Variants in GGA2 observed in about 807,000 individuals in gnomAD.
GGA2 encodes the protein ADP-ribosylation factor-binding protein GGA2.
GGA2 carries 48 observed loss-of-function variants against 79.5 expected under a neutral mutation model. That is an observed-to-expected ratio of 0.60 (90% CI 0.48 to 0.77). The LOEUF is 0.77. Ranked by LOEUF, GGA2 falls within the 30% of genes least tolerant of loss-of-function variation. The pLI, the probability that GGA2 is intolerant of heterozygous loss-of-function variation, is 0.00. For synonymous variants in GGA2, 317 were observed against 302.0 expected, an observed-to-expected ratio of 1.05 and a Z score of -0.51; for missense variants, 770 against 774.0, an observed-to-expected ratio of 0.99 and a Z score of 0.06.
In GGA2 at chr16:23,486,168, G is replaced by A. The variant is rs773628395; in HGVS notation, c.661-16C>T. On this transcript the variant is annotated splice_polypyrimidine_tract_variant and intron_variant, in intron 7 of 16. Transcript: ENST00000309859. ...TTTCTTGTTCCTTTTGGGAAAAAGA[G>A]GAGGATGGGAGTGAGGGAGCAGAAA... 6.2e-7 allele frequency: 1 copy of A among 1,612,772 alleles called. No individual in the cohort carries two copies. The highest frequency in any genetic ancestry group is 8.5e-7 in the Non-Finnish European group (1 of 1,178,938).
intron 2 of GGA2, among the ~76,000 whole-genome samples, chr16:23,516,277 GC>G (rs1432912770): frequency 6.6e-6 from 1 of 152,082 alleles, no homozygotes; most frequent in Non-Finnish European, 1.5e-5. Context: ...TTCCCAAAGT[GC>G]TGGGATTACA....
At chr16:23,503,675 T>G (rs1327722720) in intron 1 of GGA2, among the ~76,000 whole-genome samples, 7 of 152,236 alleles carry the variant, frequency 4.6e-5, no homozygotes, top group Admixed American at 3.9e-4. Context: ...AAATACTTCG[T>G]GCCCTGCACT....
At chr16:23,492,326 C>T (rs754515984) in intron 4 of GGA2, among the ~76,000 whole-genome samples, 5 of 152,170 alleles carry the variant, frequency 3.3e-5, no homozygotes, top group Admixed American at 6.5e-5. Flanking sequence ...CCGGTGCCCC[C>T]ACATCCCCCC....
At chr16:23,487,075 G>A (rs1342431312) in intron 6 of GGA2, among the ~76,000 whole-genome samples, 3 of 146,698 alleles carry the variant, frequency 2.0e-5, no homozygotes, top group South Asian at 2.2e-4. Flanking sequence ...TCTGCCTCCC[G>A]GGTTCAAGCA....
chr16:23,493,652 A>G (rs1367429617), intron 3 of GGA2, 194 bp from the exon 4 acceptor site: 6 of 573,674 alleles, frequency 1.0e-5, no homozygotes, highest in South Asian at 2.0e-5. Flanking sequence ...CAATCTTGCT[A>G]TAACTGCCTG....
chr16:23,481,598 C>T (rs1392064814), intron 9 of GGA2, among the ~76,000 whole-genome samples: 3 of 151,470 alleles, frequency 2.0e-5, no homozygotes, highest in African/African-American at 7.3e-5. Context: ...CATGGCAAAA[C>T]TCCATCTCTA....
intron 2 of GGA2, chr16:23,519,563 T>A (rs1363760691): frequency 2.5e-6 from 1 of 401,364 alleles, no homozygotes; most frequent in African/African-American, 2.1e-5. Flanking sequence ...TAATTGGTGA[T>A]GTAGGAGAAG....
At chr16:23,484,659 T>C (rs918972801) in intron 8 of GGA2, among the ~76,000 whole-genome samples, 7 of 152,182 alleles carry the variant, frequency 4.6e-5, no homozygotes, top group Non-Finnish European at 1.0e-4. Flanking sequence ...AAACAGAAAG[T>C]TGCAATGAGA....
chr16:23,490,149 TGA>T (rs1207855149), intron 5 of GGA2, among the ~76,000 whole-genome samples: 6 of 152,168 alleles, frequency 3.9e-5, no homozygotes, highest in African/African-American at 1.4e-4. Context: ...GACCTACAGC[TGA>T]GAGAACAGAT....
At chr16:23,477,066 C>T (rs967382058) in intron 13 of GGA2, among the ~76,000 whole-genome samples, 2 of 152,184 alleles carry the variant, frequency 1.3e-5, no homozygotes, top group African/African-American at 4.8e-5. Flanking sequence ...ATCCTTCTAC[C>T]TCAGCCTCCT....
chr16:23,518,312 T>C (rs1289557777), intron 2 of GGA2, among the ~76,000 whole-genome samples: 1 of 152,120 alleles, frequency 6.6e-6, no homozygotes, highest in Non-Finnish European at 1.5e-5. Flanking sequence ...GGGCTCCAGC[T>C]ATCCTCCCAC....
At chr16:23,510,253 C>G (rs945998844) in intron 1 of GGA2, 68 bp downstream of exon 1, 4 of 1,054,616 alleles carry the variant, frequency 3.8e-6, no homozygotes, top group Non-Finnish European at 5.1e-6. Context: ...AGCAAGGCCC[C>G]GGGAGGCGGG....
Position 23,466,014 on chromosome 16 carries a change from A to G in GGA2, c.*1576T>C, listed in dbSNP as rs1190067244. 1.3e-5 allele frequency: 2 copies of G among 152,414 alleles called. No individual in the cohort carries two copies. Among genetic ancestry groups the G allele is most frequent in the African/African-American group, 4.8e-5 (2 of 41,460 alleles). The allele number at this position is 152,414 out of a possible 1,614,324, so 9.4% of individuals were successfully genotyped here. ...GATTAAAATTCGTCTTATGTGAATT[A>G]TGGCAAATGAAATCACCCCACTGTT... On this transcript the variant is annotated 3_prime_UTR_variant, in exon 17 of 17. Transcript: ENST00000309859.
At chr16:23,477,988 T>C (rs2142118897) in intron 13 of GGA2, among the ~76,000 whole-genome samples, 1 of 149,704 alleles carries the variant, frequency 6.7e-6, no homozygotes. Flanking sequence ...AGGTCAGGAG[T>C]TTGAGACCAG....
At chr16:23,497,582 T>C (rs1964872259) in intron 1 of GGA2, among the ~76,000 whole-genome samples, 1 of 152,148 alleles carries the variant, frequency 6.6e-6, no homozygotes, top group Admixed American at 6.5e-5. Context: ...GATTGATTCC[T>C]ATATTCTCCT....
Position 23,491,902 on chromosome 16 carries a change from C to G in GGA2, c.352-102G>C, listed in dbSNP as rs1234536408. 16 of 748,816 alleles carry G rather than the reference C, an allele frequency of 2.1e-5. No homozygotes were observed. The East Asian group carries it at 4.3e-4, about 20-fold the overall frequency. 46.4% of individuals were successfully genotyped at this position (748,816 alleles called of 1,614,324 possible). On this transcript the variant is annotated intron_variant, in intron 4 of 16. Transcript: ENST00000309859. ...GCTGAGGCCCAGAGACACAAGCTCC[C>G]AGGCGCGGTATGAGTGTGAGGAGAG...
chr16:23,473,991 A>G (rs1964546564), intron 14 of GGA2, among the ~76,000 whole-genome samples: 1 of 152,196 alleles, frequency 6.6e-6, no homozygotes, highest in South Asian at 2.1e-4. Flanking sequence ...CTCTGTGCTA[A>G]AGAGTCCAGG....
intron 1 of GGA2, among the ~76,000 whole-genome samples, chr16:23,502,957 T>C (rs1420334167): frequency 2.0e-5 from 3 of 152,324 alleles, no homozygotes; most frequent in South Asian, 2.1e-4. Flanking sequence ...AGGGTGGATA[T>C]TGGGGGCAGA....
At chr16:23,514,964 T>C (rs908538491), upstream of GGA2, among the ~76,000 whole-genome samples, 3 of 152,060 alleles carry the variant, frequency 2.0e-5, no homozygotes, top group African/African-American at 7.2e-5. Context: ...CCATCTGACA[T>C]TGATGCTGAT....
Sources: gnomAD v4.1 joint callset for allele counts (sites outside exome capture counted in the v4.1 genomes callset) on GRCh38, gnomAD v4.1.1 for gene constraint, MANE v1.5 for transcripts, NCBI Gene and HGNC (gene_info 2026-07-23, HGNC 2026-07-21) for gene names.